PPARA: variants seen among roughly 807,000 people sequenced by gnomAD.
PPARA encodes peroxisome proliferator activated receptor alpha.
In PPARA, 22 loss-of-function variants were observed where a neutral mutation model predicts 42.2. The ratio of observed to expected loss-of-function variants is 0.52; its 90% CI spans 0.37 to 0.74. The LOEUF (loss-of-function observed/expected upper bound fraction) is 0.74. Among genes scored for constraint, PPARA ranks in the 30% least tolerant of loss-of-function variants. The pLI, the probability that PPARA is intolerant of heterozygous loss-of-function variation, is 0.00. For synonymous variants in PPARA, 242 were observed against 239.3 expected, an observed-to-expected ratio of 1.01 and a Z score of -0.10; for missense variants, 465 against 608.2, an observed-to-expected ratio of 0.76 and a Z score of 2.48.
At chr22:46,185,800 C>A (rs1930581653) in intron 3 of PPARA, among the ~76,000 whole-genome samples, 1 of 143,914 alleles carries the variant, frequency 6.9e-6, no homozygotes, top group Non-Finnish European at 1.5e-5. Context: ...GAGGCTGAGG[C>A]AGGAGAATCA....
intron 2 of PPARA, among the ~76,000 whole-genome samples, chr22:46,157,418 C>A (rs562606405): frequency 3.9e-5 from 6 of 152,256 alleles, no homozygotes; most frequent in East Asian, 1.9e-4. Context: ...CAGCTTCCCC[C>A]ACACCTAGAC....
rs1931362240 is a variant in PPARA at position 46,190,222 on chromosome 22, C to A, written c.-42-8120C>A. 6.6e-6 allele frequency among the ~76,000 whole-genome samples: 1 copy of A among 152,112 alleles called. No individual in the cohort carries two copies. The highest frequency in any genetic ancestry group is 6.5e-5 in the Admixed American group (1 of 15,268). On this transcript the variant is annotated intron_variant, in intron 3 of 8. Coordinates refer to ENST00000407236, the MANE Select transcript of PPARA (RefSeq NM_005036.6). The surrounding 1 kb of genome is among the most constrained non-coding windows in gnomAD (Gnocchi z 5.6). Reference sequence around the variant, plus strand: ...AAATCTGTCTTCTGATGGTCACCTGCCCCAGCAACACTACTCGTTTGAGAA... The same window carrying A: ...AAATCTGTCTTCTGATGGTCACCTGACCCAGCAACACTACTCGTTTGAGAA...
chr22:46,204,515 C>A lies in PPARA; in HGVS notation c.208+5924C>A, dbSNP rs912257201. Among the ~76,000 whole-genome samples, 2 of 152,178 alleles carry A rather than the reference C, an allele frequency of 1.3e-5. No individual in the cohort carries two copies. Among genetic ancestry groups the A allele is most frequent in the Non-Finnish European group, 2.9e-5 (2 of 68,034 alleles). On this transcript the variant is annotated intron_variant, in intron 4 of 8. Coordinates refer to ENST00000407236, the MANE Select transcript of PPARA (RefSeq NM_005036.6). This position sits in a 1 kb window ranked among gnomAD's most constrained non-coding sequence, Gnocchi z 5.2. ...ATGGGGGAGTTCCAGTTCCTCCATA[C>A]CCTCATCAACATGAGGCATGATCAG... is the stretch of plus-strand genomic sequence containing the variant.
At position 46,225,006 on chromosome 22, in the gene PPARA, G is replaced by T. The variant is rs1935300097; in HGVS notation, c.711+4992G>T. ...CCTGAAACCGGTGGGGGAGTTGTGG[G>T]AGGCCTAGAATCAGCCAGGAGGCTT... is the stretch of plus-strand genomic sequence containing the variant. On this transcript the variant is annotated intron_variant, in intron 7 of 8. Transcript: ENST00000407236. The surrounding 1 kb of genome is among the most constrained non-coding windows in gnomAD (Gnocchi z 4.1). Among the ~76,000 whole-genome samples, 2 of 152,066 alleles carry T rather than the reference G, an allele frequency of 1.3e-5. No homozygotes were observed. The highest frequency in any genetic ancestry group is 4.8e-5 in the African/African-American group (2 of 41,466).
In PPARA at chr22:46,230,439, C is replaced by T. The variant is rs1337096829; in HGVS notation, c.712-1353C>T. On this transcript the variant is annotated intron_variant, in intron 7 of 8. Transcript: ENST00000407236. This position sits in a 1 kb window ranked among gnomAD's most constrained non-coding sequence, Gnocchi z 5.0. Reference sequence around the variant, plus strand: ...CTGTGTCTGCATGAGCTGTGGACCACATTATAATCAGAGAGATCTCTCAGA... The same window carrying T: ...CTGTGTCTGCATGAGCTGTGGACCATATTATAATCAGAGAGATCTCTCAGA... Among the ~76,000 whole-genome samples the T allele has an allele frequency of 6.6e-6, 1 of 152,188 alleles. No individual in the cohort carries two copies.
intron 5 of PPARA, 169 bp downstream of exon 5, chr22:46,215,502 C>A: frequency 1.2e-6 from 1 of 817,908 alleles, no homozygotes; most frequent in Non-Finnish European, 2.0e-6. Context: ...CTTTGGGAGA[C>A]CGAGATGGGT....
At chr22:46,218,799 A>C (rs945043268) in intron 6 of PPARA, among the ~76,000 whole-genome samples, 2 of 148,644 alleles carry the variant, frequency 1.3e-5, no homozygotes. Flanking sequence ...GCGCCACTGC[A>C]CTCCAGCCTG....
intron 2 of PPARA, among the ~76,000 whole-genome samples, chr22:46,168,908 A>G (rs1927542683): frequency 1.3e-5 from 2 of 151,990 alleles, no homozygotes; most frequent in African/African-American, 4.8e-5. Context: ...AATATTGTAT[A>G]CCTGAAAGAA....
chr22:46,175,794 T>C (rs1371786526), intron 2 of PPARA, among the ~76,000 whole-genome samples: 1 of 152,078 alleles, frequency 6.6e-6, no homozygotes, highest in Non-Finnish European at 1.5e-5. Context: ...CTCATGAGAC[T>C]CATCCAGCTT....
chr22:46,158,916 G>A (rs1426201761), intron 2 of PPARA, among the ~76,000 whole-genome samples: 1 of 152,150 alleles, frequency 6.6e-6, no homozygotes, highest in Non-Finnish European at 1.5e-5. Context: ...TGAGGCTGGA[G>A]TCTCGCTCTG....
intron 4 of PPARA, 39 bp downstream of exon 4, chr22:46,198,630 G>C: frequency 1.6e-6 from 2 of 1,224,662 alleles, no homozygotes; most frequent in Non-Finnish European, 2.4e-6. Context: ...ATTTAGAAAT[G>C]TTTCTTCCTC....
rs543602202 is a variant in PPARA at position 46,195,465 on chromosome 22, T to C, written c.-42-2877T>C. Among the ~76,000 whole-genome samples the C allele has an allele frequency of 2.9e-5, 4 of 139,672 alleles. No individual in the cohort carries two copies. The East Asian group carries it at 7.7e-4, about 27-fold the overall frequency. 91.6% of individuals were successfully genotyped at this position (139,672 alleles called of 152,430 possible). Reference sequence around the variant, plus strand: ...TCTAAACCCTATGAAAGGTTAACAGTTCTCTTATTTTTCCCTGTGTGCTAT... The same window carrying C: ...TCTAAACCCTATGAAAGGTTAACAGCTCTCTTATTTTTCCCTGTGTGCTAT... On this transcript the variant is annotated intron_variant, in intron 3 of 8. Transcript: ENST00000407236. The surrounding 1 kb of genome is among the most constrained non-coding windows in gnomAD (Gnocchi z 4.6).
At position 46,162,963 on chromosome 22, in the gene PPARA, G is replaced by A. The variant is rs1926435047; in HGVS notation, c.-127+10993G>A. On this transcript the variant is annotated intron_variant, in intron 2 of 8. Transcript: ENST00000407236. The surrounding 1 kb of genome is among the most constrained non-coding windows in gnomAD (Gnocchi z 6.0). ...TTACTGAGCACGTACTGCGTGCCAG[G>A]CACTGTCCTGCTGTGGAAAACAGCA... is the stretch of plus-strand genomic sequence containing the variant. 6.6e-6 allele frequency among the ~76,000 whole-genome samples: 1 copy of A among 152,228 alleles called. No homozygotes were observed. Among genetic ancestry groups the A allele is most frequent in the African/African-American group, 2.4e-5 (1 of 41,458 alleles).
chr22:46,208,789 A>G (rs1375142242), intron 4 of PPARA, among the ~76,000 whole-genome samples: 2 of 152,078 alleles, frequency 1.3e-5, no homozygotes, highest in Admixed American at 6.6e-5. Context: ...ATGAGATCAC[A>G]TGGTATTTGT....
intron 2 of PPARA, among the ~76,000 whole-genome samples, chr22:46,152,633 A>G (rs1275330100): frequency 6.6e-6 from 1 of 152,156 alleles, no homozygotes; most frequent in African/African-American, 2.4e-5. Flanking sequence ...TTTGATTTGA[A>G]TATTAAGCAG....
chr22:46,186,401 G>T (rs1930808160), intron 3 of PPARA, among the ~76,000 whole-genome samples: 1 of 152,128 alleles, frequency 6.6e-6, no homozygotes, highest in Non-Finnish European at 1.5e-5. Context: ...CGCCTTTGTA[G>T]ATGTTATAGT....
At chr22:46,226,472 T>C (rs567989468) in intron 7 of PPARA, among the ~76,000 whole-genome samples, 4 of 152,340 alleles carry the variant, frequency 2.6e-5, no homozygotes, top group South Asian at 4.1e-4. Flanking sequence ...AAAGTAGGAA[T>C]TGGGCGTGCC....
In PPARA at chr22:46,231,320, G is replaced by A. The variant is rs950586340; in HGVS notation, c.712-472G>A. Among the ~76,000 whole-genome samples, 2 of 151,856 alleles carry A rather than the reference G, an allele frequency of 1.3e-5. No individual in the cohort carries two copies. Among genetic ancestry groups the A allele is most frequent in the Non-Finnish European group, 2.9e-5 (2 of 67,990 alleles). On this transcript the variant is annotated intron_variant, in intron 7 of 8. Transcript: ENST00000407236. The surrounding 1 kb of genome is among the most constrained non-coding windows in gnomAD (Gnocchi z 7.7). ...TGCAAGCTCTGCCTCCTGGGTTCAC[G>A]CCATTCTCCTGCCTCAGCCTCCCGA... is the stretch of plus-strand genomic sequence containing the variant.
In PPARA at chr22:46,190,563, G is replaced by A. The variant is rs899974513; in HGVS notation, c.-42-7779G>A. Among the ~76,000 whole-genome samples, 1 of 152,106 alleles carries A rather than the reference G, an allele frequency of 6.6e-6. No individual in the cohort carries two copies. Among genetic ancestry groups the A allele is most frequent in the African/African-American group, 2.4e-5 (1 of 41,418 alleles). Reference sequence around the variant, plus strand: ...AGCCCAGGAGTTCGAGACCAGGCTGGGCAACATAGTGAAACCTATCTCTAC... The same window carrying A: ...AGCCCAGGAGTTCGAGACCAGGCTGAGCAACATAGTGAAACCTATCTCTAC... On this transcript the variant is annotated intron_variant, in intron 3 of 8. Coordinates refer to ENST00000407236, the MANE Select transcript of PPARA (RefSeq NM_005036.6). The surrounding 1 kb of genome is among the most constrained non-coding windows in gnomAD (Gnocchi z 5.6).
Sources: gnomAD v4.1 joint callset for allele counts (sites outside exome capture counted in the v4.1 genomes callset) on GRCh38, gnomAD v4.1.1 for gene constraint, Gnocchi (gnomAD v3.1) non-coding constraint, MANE v1.5 for transcripts, NCBI Gene and HGNC (gene_info 2026-07-23, HGNC 2026-07-21) for gene names.